PDE12: variants seen among roughly 807,000 people sequenced by gnomAD.
PDE12 encodes phosphodiesterase 12.
PDE12 carries 26 observed loss-of-function variants against 45.4 expected under a neutral mutation model. The ratio of observed to expected loss-of-function variants is 0.57; its 90% confidence interval spans 0.42 to 0.79. The LOEUF is 0.79. Ranked by LOEUF, PDE12 falls within the 30% of genes least tolerant of loss-of-function variation. The pLI is 0.00. For missense variants in PDE12, 668 were observed against 790.0 expected (o/e 0.85, Z 1.85); for synonymous variants, 283 against 323.9 (o/e 0.87, Z 1.36).
the PDE12 span, chr3:57,598,050 A>G: frequency 2.0e-5 from 3 of 152,216 alleles, no homozygotes; most frequent in African/African-American, 7.2e-5. Context: ...TTTAAAGAGA[A>G]GGCAAGGAGG....
At chr3:57,601,236 G>A in the PDE12 span, among the ~76,000 whole-genome samples, 3 of 151,860 alleles carry the variant, frequency 2.0e-5, no homozygotes, top group Non-Finnish European at 2.9e-5. Context: ...CAGCCTCCGG[G>A]GTAGCTGGAA....
At chr3:57,623,404 C>T in the PDE12 span, among the ~76,000 whole-genome samples, 5 of 148,902 alleles carry the variant, frequency 3.4e-5, no homozygotes, top group East Asian at 6.0e-4. Context: ...TACGGCTGGG[C>T]GTGGTGGCTC....
chr3:57,648,799 T>C, the PDE12 span, among the ~76,000 whole-genome samples: 1 of 152,146 alleles, frequency 6.6e-6, no homozygotes, highest in African/African-American at 2.4e-5. Flanking sequence ...GGTGCTGAGA[T>C]AATTGGCAAG....
the PDE12 span, among the ~76,000 whole-genome samples, chr3:57,623,538 G>A: frequency 2.0e-5 from 3 of 152,146 alleles, no homozygotes; most frequent in Admixed American, 6.6e-5. Context: ...AATTAGCTGG[G>A]TATGGTGGCG....
chr3:57,605,840 A>G, the PDE12 span, among the ~76,000 whole-genome samples: 1,780 of 152,282 alleles, frequency 0.012, 32 homozygotes, highest in African/African-American at 0.04. Flanking sequence ...AAATAAAAAC[A>G]ATGTCTGAGA....
Position 57,561,482 on chromosome 3 carries a change from A to T in PDE12, c.*1478A>T. On this transcript the variant is annotated 3_prime_UTR_variant, in exon 3 of 3. Transcript: ENST00000311180. ...GAAGCCAAACTTTTTAAAATTAGAA[A>T]CTACAAATGGTTATACTGATTAGTG... 1.0e-6 allele frequency: 1 copy of T among 984,516 alleles called. No individual in the cohort carries two copies. The highest frequency in any genetic ancestry group is 1.2e-6 in the Non-Finnish European group (1 of 828,926). The allele number at this position is 984,516 out of a possible 1,614,324, so 61.0% of individuals were successfully genotyped here.
chr3:57,578,819 T>C, the PDE12 span, among the ~76,000 whole-genome samples: 3 of 151,186 alleles, frequency 2.0e-5, no homozygotes, highest in Non-Finnish European at 4.4e-5. Context: ...TGGAAGGAAT[T>C]AGGAAGCAAC....
At position 57,557,283 on chromosome 3, in the gene PDE12, A is replaced by G. The variant is rs891513531; in HGVS notation, c.904A>G (p.Ile302Val). 6 of 1,613,738 alleles carry G rather than the reference A, an allele frequency of 3.7e-6. No homozygotes were observed. The highest frequency in any genetic ancestry group is 3.3e-4 in the Middle Eastern group (2 of 6,084). The change falls in exon 1 of 3, where the codon ATC becomes GTC. Residue 302 changes from isoleucine (I) to valine (V), a missense_variant. Physicochemically the swap from Ile to Val is conservative, Grantham distance 29 (BLOSUM62 3). This residue lies in a region of PDE12 where 580 missense variants were observed against 662.9 expected (regional missense o/e 0.87). Coordinates refer to ENST00000311180, the MANE Select transcript of PDE12 (RefSeq NM_177966.7). Reference protein sequence around the residue: ...DALIRTVSYNILADTYAQTEF... With the variant: ...DALIRTVSYNVLADTYAQTEF... ...TCTCATCCGCACTGTCTCTTACAAC[A>G]TCCTGGCAGACACGTACGCGCAGAC...
At chr3:57,646,369 C>T in the PDE12 span, 17 of 1,613,942 alleles carry the variant, frequency 1.1e-5, no homozygotes, top group South Asian at 1.8e-4. Context: ...GCGCCATAAC[C>T]ACAAGGGGCT....
the PDE12 span, among the ~76,000 whole-genome samples, chr3:57,574,724 T>C: frequency 1.3e-5 from 2 of 152,098 alleles, no homozygotes; most frequent in South Asian, 2.1e-4. Flanking sequence ...TAAACTGTTA[T>C]GTTAACAAGC....
At position 57,566,630 on chromosome 3, in the gene PDE12, A is replaced by G. The variant is rs1412729263; in HGVS notation, c.*6626A>G. ...CCTCCATCCTCATTAACACTTTATT[A>G]TCTTTTTGATTATAGGCATCCTAGT... On this transcript the variant is annotated 3_prime_UTR_variant, in exon 3 of 3. Coordinates refer to ENST00000311180, the MANE Select transcript of PDE12 (RefSeq NM_177966.7). 1 of 152,062 alleles carries G rather than the reference A, an allele frequency of 6.6e-6. No individual in the cohort carries two copies. The highest frequency in any genetic ancestry group is 1.5e-5 in the Non-Finnish European group (1 of 68,012). 9.4% of individuals were successfully genotyped at this position (152,062 alleles called of 1,614,324 possible).
the PDE12 span, chr3:57,634,509 A>T: frequency 9.3e-7 from 1 of 1,072,948 alleles, no homozygotes; most frequent in Non-Finnish European, 1.3e-6. Flanking sequence ...ACTGGATATT[A>T]CATACCTGAA....
At chr3:57,645,644 A>G in the PDE12 span, 4 of 1,576,488 alleles carry the variant, frequency 2.5e-6, no homozygotes, top group Non-Finnish European at 2.6e-6. Context: ...TGGTCAATAG[A>G]AGTTATTTTT....
chr3:57,570,858 GT>G (rs1278789902), downstream of PDE12, among the ~76,000 whole-genome samples: 1 of 152,020 alleles, frequency 6.6e-6, no homozygotes, highest in African/African-American at 2.4e-5. Flanking sequence ...GAATTTTTTT[GT>G]TTAATTAACC....
chr3:57,639,193 C>A, the PDE12 span, among the ~76,000 whole-genome samples: 1 of 152,144 alleles, frequency 6.6e-6, no homozygotes, highest in African/African-American at 2.4e-5. Context: ...CATCATTAGT[C>A]ATTAGAGAAA....
the PDE12 span, among the ~76,000 whole-genome samples, chr3:57,592,775 G>GT: frequency 1.3e-5 from 2 of 152,092 alleles, no homozygotes; most frequent in East Asian, 3.8e-4. Context: ...AGAAGAGCCT[G>GT]TTTTTTTAAA....
chr3:57,628,327 G>A, the PDE12 span: 1 of 1,613,930 alleles, frequency 6.2e-7, no homozygotes, highest in Non-Finnish European at 8.5e-7. Flanking sequence ...ACAGGTAAGT[G>A]CTCTCGATCA....
chr3:57,613,335 C>G, the PDE12 span, among the ~76,000 whole-genome samples: 1 of 149,618 alleles, frequency 6.7e-6, no homozygotes, highest in Non-Finnish European at 1.5e-5. Flanking sequence ...ACTCTGTCAC[C>G]CAGGCTAGAG....
At chr3:57,645,538 G>A in the PDE12 span, 1 of 578,944 alleles carries the variant, frequency 1.7e-6, no homozygotes, top group Non-Finnish European at 3.0e-6. Context: ...ATTATTTCCA[G>A]CAGCTCCTCA....
Sources: allele counts gnomAD v4.1 joint callset (sites outside exome capture counted in the v4.1 genomes callset), GRCh38; gene constraint gnomAD v4.1.1; regional missense constraint gnomAD v4.1.1; transcripts MANE v1.5; gene names NCBI Gene and HGNC (gene_info 2026-07-23, HGNC 2026-07-21).